Variants in SUMF1 observed in about 807,000 individuals in gnomAD.
SUMF1 encodes sulfatase modifying factor 1.
A neutral mutation model predicts 47.6 loss-of-function variants in SUMF1; 48 were observed. The observed-to-expected ratio is 1.01, with a 90% CI of 0.80 to 1.28. The LOEUF (loss-of-function observed/expected upper bound fraction) is 1.28, where lower values mean the gene tolerates loss of function less well. SUMF1 is among the 50% of genes most tolerant of loss of function. The pLI is 0.00. For synonymous variants in SUMF1, 230 were observed against 192.1 expected, an observed-to-expected ratio of 1.20 and a Z score of -1.63; for missense variants, 571 against 485.4, an observed-to-expected ratio of 1.18 and a Z score of -1.66.
intron 8 of SUMF1, among the ~76,000 whole-genome samples, chr3:4,366,047 C>T (rs931870664): frequency 6.6e-6 from 1 of 151,830 alleles, no homozygotes; most frequent in African/African-American, 2.4e-5. Context: ...TATTGGCCCC[C>T]ACTCTCTTCT....
intron 8 of SUMF1, among the ~76,000 whole-genome samples, chr3:4,149,683 T>C (rs959665647): frequency 1.3e-5 from 2 of 152,178 alleles, no homozygotes; most frequent in African/African-American, 2.4e-5. Context: ...TTAAAATCTA[T>C]GGCCATATAC....
intron 8 of SUMF1, among the ~76,000 whole-genome samples, chr3:4,089,340 C>G (rs1692735621): frequency 1.3e-5 from 2 of 152,254 alleles, no homozygotes; most frequent in South Asian, 4.1e-4. Context: ...GAATGTCCAG[C>G]TCTGCTTTGT....
chr3:4,364,367 G>C (rs1163981826), intron 8 of SUMF1, among the ~76,000 whole-genome samples: 1 of 115,140 alleles, frequency 8.7e-6, no homozygotes, highest in Non-Finnish European at 1.8e-5. Flanking sequence ...ACTCTTTTTG[G>C]TTGGTAAGCT....
At chr3:4,157,482 T>A (rs745546867) in intron 8 of SUMF1, among the ~76,000 whole-genome samples, 1 of 151,636 alleles carries the variant, frequency 6.6e-6, no homozygotes, top group Non-Finnish European at 1.5e-5. Flanking sequence ...AAAATATTTT[T>A]AAATCAATAG....
intron 8 of SUMF1, among the ~76,000 whole-genome samples, chr3:4,278,958 T>G (rs1020427918): frequency 6.6e-6 from 1 of 152,170 alleles, no homozygotes; most frequent in African/African-American, 2.4e-5. Flanking sequence ...TGCTCTGTGT[T>G]TATCATCTAG....
At chr3:4,407,480 C>G (rs918525590) in intron 7 of SUMF1, among the ~76,000 whole-genome samples, 1 of 152,154 alleles carries the variant, frequency 6.6e-6, no homozygotes, top group African/African-American at 2.4e-5. Flanking sequence ...CTGAAAATGT[C>G]TCTTCTAACC....
chr3:4,442,502 G>A (rs1270651999), intron 3 of SUMF1, among the ~76,000 whole-genome samples: 6 of 151,462 alleles, frequency 4.0e-5, no homozygotes, highest in Non-Finnish European at 8.8e-5. Flanking sequence ...CTCGTGATCC[G>A]CCCGCCTCGG....
chr3:4,109,034 A>T (rs1291373065), intron 8 of SUMF1, among the ~76,000 whole-genome samples: 4 of 152,140 alleles, frequency 2.6e-5, no homozygotes, highest in South Asian at 2.1e-4. Context: ...GGTCTTTACA[A>T]TTTGGCATGT....
In SUMF1 at chr3:4,391,626, G is replaced by T. The variant is rs538198056; in HGVS notation, c.955-15237C>A. Among the ~76,000 whole-genome samples, 5 of 152,144 alleles carry T rather than the reference G, an allele frequency of 3.3e-5. No homozygotes were observed. In the East Asian group the frequency reaches 9.7e-4, roughly 29 times the overall value. On this transcript the variant is annotated intron_variant, in intron 7 of 8. Coordinates refer to ENST00000272902, the MANE Select transcript of SUMF1 (RefSeq NM_182760.4). ...GCTTCCTGAGTAGCTGGGATTACAG[G>T]TGCATACCATGATACCTGACTAATT...
intron 9 of SUMF1, among the ~76,000 whole-genome samples, chr3:4,055,641 C>T (rs1695180496): frequency 6.6e-6 from 1 of 152,086 alleles, no homozygotes; most frequent in Non-Finnish European, 1.5e-5. Flanking sequence ...CACCACCATG[C>T]CCCACTCATT....
At chr3:4,384,038 A>G (rs56042918) in intron 7 of SUMF1, among the ~76,000 whole-genome samples, 47,265 of 145,644 alleles carry the variant, frequency 0.32, 7,661 homozygotes, top group Middle Eastern at 0.41. Context: ...CGTTTTTAAA[A>G]GGAATGAAGT....
At position 4,162,438 on chromosome 3, in the gene SUMF1, C is replaced by G. The variant is rs74566287; in HGVS notation, c.1015-93693G>C. Reference sequence around the variant, plus strand: ...TGCCTTTCAAGTTTATTTAGGAACCCAGAGCCCTTTACCCAGCAGTGGCAA... The same window carrying G: ...TGCCTTTCAAGTTTATTTAGGAACCGAGAGCCCTTTACCCAGCAGTGGCAA... On this transcript the variant is annotated intron_variant and NMD_transcript_variant, in intron 8 of 12. Transcript: ENST00000448413. 7.3e-3 allele frequency among the ~76,000 whole-genome samples: 1,113 copies of G among 152,226 alleles called. 19 individuals are homozygous for G. The highest frequency in any genetic ancestry group is 0.025 in the African/African-American group (1,032 of 41,518).
chr3:4,052,778 G>A (rs1695135629), intron 9 of SUMF1, among the ~76,000 whole-genome samples: 1 of 152,120 alleles, frequency 6.6e-6, no homozygotes, highest in Admixed American at 6.5e-5. Context: ...AATAAAGTGA[G>A]TCATACAAAT....
intron 7 of SUMF1, among the ~76,000 whole-genome samples, chr3:4,402,965 T>A (rs1289332795): frequency 3.3e-5 from 5 of 152,174 alleles, no homozygotes; most frequent in Admixed American, 3.3e-4. Context: ...ACGGGAACCA[T>A]CAGTGAGATA....
At chr3:4,361,117 AAAGAG>A (rs1274056741), downstream of SUMF1, 1 of 152,276 alleles carries the variant, frequency 6.6e-6, no homozygotes, top group Non-Finnish European at 1.5e-5. Flanking sequence ...TAAAGAAGAG[AAAGAG>A]AAAAGAAGCT....
At chr3:4,036,828 G>C (rs1339950012) in intron 9 of SUMF1, among the ~76,000 whole-genome samples, 1 of 128,606 alleles carries the variant, frequency 7.8e-6, no homozygotes, top group Non-Finnish European at 1.6e-5. Context: ...AGGCAAAGCA[G>C]ATCTGCTGAG....
chr3:4,388,379 C>T (rs1156348956), intron 7 of SUMF1, among the ~76,000 whole-genome samples: 1 of 152,072 alleles, frequency 6.6e-6, no homozygotes, highest in African/African-American at 2.4e-5. Context: ...AATATAGCCA[C>T]TCTGACTTTC....
intron 8 of SUMF1, among the ~76,000 whole-genome samples, chr3:4,332,553 T>C (rs548278651): frequency 1.3e-5 from 2 of 152,322 alleles, no homozygotes; most frequent in South Asian, 2.1e-4. Flanking sequence ...ATGGTAAATG[T>C]TTCTAGTGTA....
chr3:4,355,836 CA>C, intron 8 of SUMF1, among the ~76,000 whole-genome samples: 1 of 152,250 alleles, frequency 6.6e-6, no homozygotes, highest in South Asian at 2.1e-4. Flanking sequence ...TCCAAAGGCC[CA>C]ACCAGCCTTC....
Sources: allele counts gnomAD v4.1 joint callset (sites outside exome capture counted in the v4.1 genomes callset), GRCh38; gene constraint gnomAD v4.1.1; transcripts MANE v1.5; gene names NCBI Gene and HGNC (gene_info 2026-07-23, HGNC 2026-07-21).